Variants in GPM6A observed in about 807,000 individuals in gnomAD.
GPM6A encodes glycoprotein M6A, also known as neuronal membrane glycoprotein M6-a.
Under a neutral mutation model 32.1 loss-of-function variants are expected in GPM6A, and 7 were observed. The ratio of observed to expected loss-of-function variants is 0.22; its 90% CI spans 0.12 to 0.41. GPM6A has a LOEUF of 0.41. GPM6A is among the 10% of genes least tolerant of loss of function. GPM6A has a pLI of 1.00. For missense variants in GPM6A, 235 were observed against 347.2 expected, an observed-to-expected ratio of 0.68 and a Z score of 2.57; for synonymous variants, 130 against 123.4, an observed-to-expected ratio of 1.05 and a Z score of -0.35.
intron 2 of GPM6A, among the ~76,000 whole-genome samples, chr4:175,695,327 G>C (rs1469963058): frequency 6.6e-6 from 1 of 152,128 alleles, no homozygotes; most frequent in African/African-American, 2.4e-5. Flanking sequence ...CTTGTCTTTT[G>C]TGCCTGGAAA....
At chr4:175,723,400 C>T (rs1212879750) in intron 1 of GPM6A, among the ~76,000 whole-genome samples, 1 of 152,142 alleles carries the variant, frequency 6.6e-6, no homozygotes. Context: ...TCCTGACTCC[C>T]ATTTCAACCA....
rs531982996 is a variant in GPM6A, at chr4:175,699,076, T to C, written c.230+2499A>G. ...TTTAGCAATTTGGATGTAGTTTACA[T>C]AGAGAGAATCTGTAGATGTTAAGGA... On this transcript the variant is annotated intron_variant, in intron 2 of 6. Coordinates refer to ENST00000393658, the MANE Select transcript of GPM6A (RefSeq NM_201591.3). Among the ~76,000 whole-genome samples the C allele has an allele frequency of 1.3e-3, 204 of 152,308 alleles. 1 individual carries two copies. The highest frequency in any genetic ancestry group is 4.6e-3 in the African/African-American group (191 of 41,590).
intron 2 of GPM6A, among the ~76,000 whole-genome samples, chr4:175,679,113 C>T (rs1743539323): frequency 6.6e-6 from 1 of 152,082 alleles, no homozygotes; most frequent in African/African-American, 2.4e-5. Flanking sequence ...GATACCGGAG[C>T]CAATCTAGGG....
chr4:175,746,356 A>T (rs1377323706), intron 1 of GPM6A, among the ~76,000 whole-genome samples: 2 of 152,220 alleles, frequency 1.3e-5, no homozygotes, highest in Non-Finnish European at 2.9e-5. Flanking sequence ...AACAGTTATG[A>T]TGTTAACTTC....
At chr4:175,906,014 C>G (rs1738121320) in intron 1 of GPM6A, among the ~76,000 whole-genome samples, 1 of 152,090 alleles carries the variant, frequency 6.6e-6, no homozygotes. Context: ...GCAGGGACTT[C>G]TCTTGGTAAT....
intron 1 of GPM6A, among the ~76,000 whole-genome samples, chr4:175,876,481 T>C (rs1364062037): frequency 6.6e-6 from 1 of 152,220 alleles, no homozygotes; most frequent in Non-Finnish European, 1.5e-5. Context: ...TGCCACTCTA[T>C]CTATTTTCAG....
At chr4:175,672,608 C>T (rs972973380) in intron 3 of GPM6A, among the ~76,000 whole-genome samples, 5 of 152,098 alleles carry the variant, frequency 3.3e-5, no homozygotes, top group African/African-American at 9.7e-5. Context: ...ATCTATAATT[C>T]GCTATTACTG....
intron 2 of GPM6A, among the ~76,000 whole-genome samples, chr4:175,674,168 T>TTTTA (rs1301517928): frequency 6.6e-6 from 1 of 152,136 alleles, no homozygotes; most frequent in Non-Finnish European, 1.5e-5. Context: ...TGCTCCTTAT[T>TTTTA]TTTATTTAGT....
chr4:175,648,567 A>G (rs1196196836), intron 4 of GPM6A, among the ~76,000 whole-genome samples: 2 of 152,204 alleles, frequency 1.3e-5, no homozygotes, highest in African/African-American at 4.8e-5. Context: ...GCTTAAAGCA[A>G]CACAAGTTTG....
intron 1 of GPM6A, among the ~76,000 whole-genome samples, chr4:175,722,869 C>T (rs1384347941): frequency 2.2e-5 from 3 of 135,932 alleles, no homozygotes; most frequent in African/African-American, 8.3e-5. Flanking sequence ...CATGGCAAAA[C>T]TGTCTTTACA....
intron 1 of GPM6A, among the ~76,000 whole-genome samples, chr4:175,803,760 G>A (rs1322963903): frequency 6.6e-6 from 1 of 152,028 alleles, no homozygotes; most frequent in Non-Finnish European, 1.5e-5. Context: ...AAAGTCAATT[G>A]GCCACTCATT....
intron 1 of GPM6A, among the ~76,000 whole-genome samples, chr4:175,725,980 T>C (rs1214542743): frequency 2.1e-5 from 3 of 144,240 alleles, no homozygotes; most frequent in African/African-American, 7.6e-5. Context: ...GTTTTCCAAA[T>C]ACCCTGTTTC....
At chr4:175,802,138 T>G (rs755661454) in intron 1 of GPM6A, among the ~76,000 whole-genome samples, 3 of 152,106 alleles carry the variant, frequency 2.0e-5, no homozygotes, top group Non-Finnish European at 4.4e-5. Context: ...AAAAAGTTAC[T>G]ATGTAAAAGT....
At chr4:175,761,117 T>C (rs1732720197) in intron 1 of GPM6A, among the ~76,000 whole-genome samples, 1 of 152,178 alleles carries the variant, frequency 6.6e-6, no homozygotes, top group Admixed American at 6.5e-5. Flanking sequence ...AGATCTACAC[T>C]GAGCTAGAAG....
At chr4:175,687,656 A>G (rs901177385) in intron 2 of GPM6A, among the ~76,000 whole-genome samples, 1 of 152,102 alleles carries the variant, frequency 6.6e-6, no homozygotes, top group African/African-American at 2.4e-5. Flanking sequence ...GTATCTCTTC[A>G]AGATCCTGAT....
chr4:175,972,732 G>A (rs1373457575), intron 1 of GPM6A, among the ~76,000 whole-genome samples: 2 of 152,126 alleles, frequency 1.3e-5, no homozygotes, highest in Non-Finnish European at 2.9e-5. Context: ...CTTGATGCAT[G>A]CTTTTTAGTG....
Position 175,659,951 on chromosome 4 carries a change from A to G in GPM6A, c.388-7964T>C, listed in dbSNP as rs187912134. ...TTAACTGATAACTAAAAATAAAAAT[A>G]TGACAAATAAAAGGCAACTGTTCAC... is the stretch of plus-strand genomic sequence containing the variant. On this transcript the variant is annotated intron_variant, in intron 3 of 6. Transcript: ENST00000393658. Among the ~76,000 whole-genome samples the G allele has an allele frequency of 1.2e-4, 18 of 152,362 alleles. No individual in the cohort carries two copies. The East Asian group carries it at 3.5e-3, about 29-fold the overall frequency.
chr4:175,936,306 C>CAAA (rs35653197), intron 1 of GPM6A, among the ~76,000 whole-genome samples: 9 of 45,600 alleles, frequency 2.0e-4, no homozygotes, highest in African/African-American at 4.4e-4. Context: ...ACTCTGTCTC[C>CAAA]AAAAAAAAAA....
In GPM6A at chr4:175,698,587, G is replaced by A. The variant is rs191085224; in HGVS notation, c.230+2988C>T. On this transcript the variant is annotated intron_variant, in intron 2 of 6. Coordinates refer to ENST00000393658, the MANE Select transcript of GPM6A (RefSeq NM_201591.3). ...TTAAATTTATCACTTGGCACTAATC[G>A]TATTAAGAGGTTTACAGTACATATT... 7.4e-4 allele frequency among the ~76,000 whole-genome samples: 113 copies of A among 152,112 alleles called. 1 individual carries two copies. The highest frequency in any genetic ancestry group is 7.1e-3 in the Admixed American group (108 of 15,266).
Sources: gnomAD v4.1 joint callset for allele counts (sites outside exome capture counted in the v4.1 genomes callset) on GRCh38, gnomAD v4.1.1 for gene constraint, MANE v1.5 for transcripts, NCBI Gene and HGNC (gene_info 2026-07-23, HGNC 2026-07-21) for gene names.